MAPK8IP3: variants seen among roughly 807,000 people sequenced by gnomAD.
The protein encoded by MAPK8IP3 is mitogen-activated protein kinase 8 interacting protein 3.
In MAPK8IP3, 49 loss-of-function variants were observed where a neutral mutation model predicts 157.8. The observed-to-expected ratio is 0.31, with a 90% CI of 0.25 to 0.39. The LOEUF (loss-of-function observed/expected upper bound fraction) is 0.39. MAPK8IP3 is among the 10% of genes least tolerant of loss of function. MAPK8IP3 has a pLI of 1.00. For synonymous variants in MAPK8IP3, 897 were observed against 777.7 expected, an observed-to-expected ratio of 1.15 and a Z score of -2.55; for missense variants, 1,478 against 1,889.4, an observed-to-expected ratio of 0.78 and a Z score of 4.04.
chr16:1,759,903 C>A, intron 10 of MAPK8IP3, 55 bp from the exon 11 acceptor site: 1 of 1,492,024 alleles, frequency 6.7e-7, no homozygotes, highest in Non-Finnish European at 9.4e-7. Context: ...GGTGCGGCGG[C>A]ATCAGTGACC....
At position 1,764,325 on chromosome 16, in the gene MAPK8IP3, C is replaced by A; in HGVS notation, c.2146C>A (p.Leu716Met). ...GCTGTGGTGTGCCGCGGGCGTCAAC[C>A]TGAGCGGGTGGAGGCCCAATGAGGA... ...MKLWCAAGVNLSGWRPNEDDA... is the reference protein window; with the variant it reads ...MKLWCAAGVNMSGWRPNEDDA... Residue 716 changes from leucine (L) to methionine (M), a missense_variant, in exon 19 of 32, where the codon CTG becomes ATG. Coordinates refer to ENST00000610761, the MANE Select transcript of MAPK8IP3 (RefSeq NM_001318852.2). 1.3e-6 allele frequency: 2 copies of A among 1,576,224 alleles called. No individual in the cohort carries two copies. Among genetic ancestry groups the A allele is most frequent in the Non-Finnish European group, 1.7e-6 (2 of 1,162,058 alleles).
In MAPK8IP3 at chr16:1,742,106, A is replaced by T. The variant is rs1484307707; in HGVS notation, c.603-1226A>T. ...AGGCTGTGGTGCAAGCAGACTCTTA[A>T]TTCTTGTCCTGAATAGCCCTGAGCA... On this transcript the variant is annotated intron_variant, in intron 4 of 31. Coordinates refer to ENST00000610761, the MANE Select transcript of MAPK8IP3 (RefSeq NM_001318852.2). The surrounding 1 kb of genome is among the most constrained non-coding windows in gnomAD (Gnocchi z 5.0). 6.6e-6 allele frequency among the ~76,000 whole-genome samples: 1 copy of T among 152,082 alleles called. No homozygotes were observed. The highest frequency in any genetic ancestry group is 1.5e-5 in the Non-Finnish European group (1 of 67,994).
intron 11 of MAPK8IP3, 91 bp from the exon 12 acceptor site, chr16:1,760,289 C>G: frequency 6.7e-7 from 1 of 1,496,672 alleles, no homozygotes. Flanking sequence ...TGTGCCTTCT[C>G]CAGGGCGGAA....
chr16:1,708,394 C>A (rs980302606), intron 1 of MAPK8IP3, among the ~76,000 whole-genome samples: 1 of 152,256 alleles, frequency 6.6e-6, no homozygotes, highest in Non-Finnish European at 1.5e-5. Context: ...CTCCCACACT[C>A]AGTGGCCTGA....
chr16:1,726,686 A>G (rs1190789690), intron 2 of MAPK8IP3, among the ~76,000 whole-genome samples: 2 of 152,156 alleles, frequency 1.3e-5, no homozygotes, highest in African/African-American at 2.4e-5. Context: ...AAAAAAAATC[A>G]AATTACAGGC....
In MAPK8IP3 at chr16:1,743,765, A is replaced by G. The variant is rs1157659079; in HGVS notation, c.747+289A>G. On this transcript the variant is annotated intron_variant, in intron 5 of 31. Transcript: ENST00000610761. The surrounding 1 kb of genome is among the most constrained non-coding windows in gnomAD (Gnocchi z 5.6). ...GACCGCTCTGTAGCCAGGGGTGTACAGTGCCTGTCAGGGTTGAGCTTAGTG... is the reference window on the plus strand; with the variant it reads ...GACCGCTCTGTAGCCAGGGGTGTACGGTGCCTGTCAGGGTTGAGCTTAGTG... 5 of 1,310,008 alleles carry G rather than the reference A, an allele frequency of 3.8e-6. No individual in the cohort carries two copies. In the East Asian group the frequency reaches 1.1e-4, roughly 28 times the overall value. 81.1% of individuals were successfully genotyped at this position (1,310,008 alleles called of 1,614,324 possible). A position where few individuals can be genotyped will look rare whatever the true frequency, so the allele number is the denominator to read the frequency against.
At position 1,762,978 on chromosome 16, in the gene MAPK8IP3, A is replaced by C; in HGVS notation, c.1870A>C (p.Ser624Arg). 1.2e-6 allele frequency: 2 copies of C among 1,612,870 alleles called. No homozygotes were observed. Among genetic ancestry groups the C allele is most frequent in the South Asian group, 1.1e-5 (1 of 91,082 alleles). Residue 624 changes from serine to arginine, a missense_variant, in exon 16 of 32, where the codon AGC (serine) becomes CGC (arginine). Transcript: ENST00000610761. ...NHAMCPISAG[S>R]RPLEFFPDDD... ...TGCCATGTGCCCGATCTCGGCAGGC[A>C]GCCGGCCCCTGGAATTCTTCCCTGA...
rs746969067 is a variant in MAPK8IP3 at position 1,764,323 on chromosome 16, A to G, written c.2144A>G (p.Asn715Ser). ...CAGCTGTGGTGTGCCGCGGGCGTCA[A>G]CCTGAGCGGGTGGAGGCCCAATGAG... ...TMKLWCAAGV[N>S]LSGWRPNEDD... The change falls in exon 19 of 32, where the codon AAC (asparagine) becomes AGC (serine). Residue 715 changes from asparagine (N) to serine (S), a missense_variant. This residue lies in a region of MAPK8IP3 where 669 missense variants were observed against 759.8 expected (regional missense o/e 0.88). Transcript: ENST00000610761. 21 of 1,576,188 alleles carry G rather than the reference A, an allele frequency of 1.3e-5. No homozygotes were observed. The highest frequency in any genetic ancestry group is 2.3e-5 in the East Asian group (1 of 42,626).
intron 5 of MAPK8IP3, chr16:1,745,045 T>G: frequency 1.0e-6 from 1 of 985,436 alleles, no homozygotes; most frequent in Non-Finnish European, 1.2e-6. Flanking sequence ...GTTCTTTCAG[T>G]GCATTTGGAG....
At chr16:1,728,912 C>A (rs2039098135) in intron 2 of MAPK8IP3, among the ~76,000 whole-genome samples, 1 of 151,254 alleles carries the variant, frequency 6.6e-6, no homozygotes, top group African/African-American at 2.4e-5. Flanking sequence ...TGGTACAGGG[C>A]ACAGCAGCCC....
chr16:1,747,396 C>T, intron 6 of MAPK8IP3, 121 bp downstream of exon 6: 1 of 1,396,006 alleles, frequency 7.2e-7, no homozygotes. Context: ...TTCCTCACAG[C>T]CCGGAGGCTG....
chr16:1,765,700 G>A (rs1464928025), intron 20 of MAPK8IP3, among the ~76,000 whole-genome samples: 1 of 152,182 alleles, frequency 6.6e-6, no homozygotes, highest in East Asian at 1.9e-4. Flanking sequence ...AGGATCACAG[G>A]TTGTTTGCTC....
In MAPK8IP3 at chr16:1,729,536, T is replaced by G; in HGVS notation, c.560T>G (p.Val187Gly). 1 of 1,611,672 alleles carries G rather than the reference T, an allele frequency of 6.2e-7. No individual in the cohort carries two copies. Among genetic ancestry groups the G allele is most frequent in the Non-Finnish European group, 8.5e-7 (1 of 1,179,166 alleles). The stretch of plus-strand genomic sequence containing the variant: ...ATTGAGAGGTCCAAGATGCAGCAGG[T>G]CGGAGGAAACAGCCAGACCGAGAGC... The part of the protein sequence containing the change: ...EHIERSKMQQ[V>G]GGNSQTESSL... Residue 187 changes from valine (V) to glycine (G), a missense_variant, in exon 4 of 32, where the codon GTC becomes GGC. Physicochemically the swap from Val to Gly is moderately radical, Grantham distance 109. Around this residue, in one of 11 missense-constraint regions of MAPK8IP3, gnomAD observed 315 missense variants for 394.4 expected, o/e 0.80. Transcript: ENST00000610761.
chr16:1,730,276 G>A (rs2039217680), intron 4 of MAPK8IP3, among the ~76,000 whole-genome samples: 2 of 151,968 alleles, frequency 1.3e-5, no homozygotes, highest in South Asian at 4.2e-4. Context: ...AATAAAAAAA[G>A]AAAATCATCT....
rs575891179 is a variant in MAPK8IP3, at chr16:1,722,610, A to G, written c.319-1947A>G. ...CTGGGTGCAGTCGCTCAGGCCTATA[A>G]TCCCAGCGCTTTGGGAGGCTGAGGT... On this transcript the variant is annotated intron_variant, in intron 1 of 31. Coordinates refer to ENST00000610761, the MANE Select transcript of MAPK8IP3 (RefSeq NM_001318852.2). 9.2e-5 allele frequency among the ~76,000 whole-genome samples: 14 copies of G among 151,960 alleles called. No homozygotes were observed. In the East Asian group the frequency reaches 2.3e-3, roughly 25 times the overall value.
At chr16:1,762,062 C>T (rs2041986218) in intron 13 of MAPK8IP3, among the ~76,000 whole-genome samples, 1 of 152,214 alleles carries the variant, frequency 6.6e-6, no homozygotes, top group African/African-American at 2.4e-5. Context: ...ACCCCAGCGG[C>T]ATCATCTGCC....
At chr16:1,734,954 G>C (rs2039566457) in intron 4 of MAPK8IP3, 1 of 154,718 alleles carries the variant, frequency 6.5e-6, no homozygotes, top group East Asian at 1.9e-4. Context: ...CAGAGTGTGT[G>C]TGTGTCTGTG....
intron 2 of MAPK8IP3, among the ~76,000 whole-genome samples, chr16:1,727,862 C>G (rs1437324451): frequency 1.3e-5 from 2 of 152,216 alleles, no homozygotes; most frequent in Admixed American, 1.3e-4. Flanking sequence ...GCAGGATGGC[C>G]AAAGTGAGAT....
At chr16:1,736,208 C>T (rs1255342614) in intron 4 of MAPK8IP3, among the ~76,000 whole-genome samples, 1 of 65,134 alleles carries the variant, frequency 1.5e-5, no homozygotes, top group Non-Finnish European at 2.9e-5. Flanking sequence ...GCATGTGTGA[C>T]CATCCGTGTG....
Sources: allele counts gnomAD v4.1 joint callset (sites outside exome capture counted in the v4.1 genomes callset), GRCh38; gene constraint gnomAD v4.1.1; regional missense constraint gnomAD v4.1.1; non-coding constraint Gnocchi (gnomAD v3.1); transcripts MANE v1.5; gene names NCBI Gene and HGNC (gene_info 2026-07-23, HGNC 2026-07-21).